CCDC93: variants seen among roughly 807,000 people sequenced by gnomAD.
CCDC93 encodes the protein coiled-coil domain-containing protein 93.
Under a neutral mutation model 108.2 loss-of-function variants are expected in CCDC93, and 61 were observed. The ratio of observed to expected loss-of-function variants is 0.56; its 90% confidence interval spans 0.46 to 0.70. The LOEUF is 0.70. Among genes scored for constraint, CCDC93 ranks in the 30% least tolerant of loss-of-function variants. CCDC93 has a pLI of 0.00. For synonymous variants in CCDC93, 276 were observed against 260.4 expected, an observed-to-expected ratio of 1.06 and a Z score of -0.58; for missense variants, 685 against 764.2, an observed-to-expected ratio of 0.90 and a Z score of 1.22.
intron 17 of CCDC93, among the ~76,000 whole-genome samples, chr2:117,945,297 A>G (rs943805136): frequency 1.3e-5 from 2 of 152,172 alleles, no homozygotes; most frequent in Non-Finnish European, 2.9e-5. Context: ...ATGCTTGTAC[A>G]CAGAACTGGA....
In CCDC93 at chr2:117,916,961, G is replaced by A. The variant is rs745878969; in HGVS notation, c.*3382C>T. On this transcript the variant is annotated 3_prime_UTR_variant, in exon 24 of 24. Coordinates refer to ENST00000376300, the MANE Select transcript of CCDC93 (RefSeq NM_019044.5). Reference sequence around the variant, plus strand: ...CATCCATCCTATGGGGCTCTTTATTGTACTGTTCTGCATTAAGATGTTCTT... The same window carrying A: ...CATCCATCCTATGGGGCTCTTTATTATACTGTTCTGCATTAAGATGTTCTT... 2.0e-5 allele frequency: 3 copies of A among 152,148 alleles called. No homozygotes were observed. Among genetic ancestry groups the A allele is most frequent in the Non-Finnish European group, 4.4e-5 (3 of 68,024 alleles). 9.4% of individuals were successfully genotyped at this position (152,148 alleles called of 1,614,324 possible).
chr2:117,916,560 G>A lies in CCDC93; in HGVS notation c.*3783C>T, dbSNP rs1220805072. ...TGTGGAAAAGCCATTTTATCCAACCGGAATTTCCCAGTCAGTCATCTACCT... is the reference window on the plus strand; with the variant it reads ...TGTGGAAAAGCCATTTTATCCAACCAGAATTTCCCAGTCAGTCATCTACCT... On this transcript the variant is annotated 3_prime_UTR_variant, in exon 24 of 24. Coordinates refer to ENST00000376300, the MANE Select transcript of CCDC93 (RefSeq NM_019044.5). The A allele has an allele frequency of 3.3e-5, 5 of 152,184 alleles. No individual in the cohort carries two copies. The highest frequency in any genetic ancestry group is 4.4e-5 in the Non-Finnish European group (3 of 68,042). 9.4% of individuals were successfully genotyped at this position (152,184 alleles called of 1,614,324 possible).
At chr2:117,943,992 T>G in intron 18 of CCDC93, 32 bp downstream of exon 18, 4 of 1,454,512 alleles carry the variant, frequency 2.8e-6, no homozygotes, top group Non-Finnish European at 2.8e-6. Flanking sequence ...GTTAGAAGCA[T>G]TTATGCATAT....
intron 12 of CCDC93, among the ~76,000 whole-genome samples, chr2:117,955,446 A>G (rs1679188415): frequency 6.6e-6 from 1 of 152,232 alleles, no homozygotes. Context: ...ACAACTCAAT[A>G]GTTTCTAGCA....
chr2:117,979,599 A>T (rs1680050156), intron 7 of CCDC93, among the ~76,000 whole-genome samples: 2 of 152,340 alleles, frequency 1.3e-5, no homozygotes, highest in South Asian at 4.1e-4. Flanking sequence ...AAATGCAAAA[A>T]TCAAGAAGCC....
chr2:117,990,026 A>G lies in CCDC93; in HGVS notation c.520-3957T>C, dbSNP rs897698202. On this transcript the variant is annotated intron_variant, in intron 6 of 23. Coordinates refer to ENST00000376300, the MANE Select transcript of CCDC93 (RefSeq NM_019044.5). ...TTCTCTGTCCCCTCTATTCTCATAC[A>G]AAAGTCTAAACTACCAAAAAAATGC... Among the ~76,000 whole-genome samples, 23 of 152,222 alleles carry G rather than the reference A, an allele frequency of 1.5e-4. 1 individual carries two copies. Among genetic ancestry groups the G allele is most frequent in the Admixed American group, 6.5e-4 (10 of 15,282 alleles).
intron 13 of CCDC93, 125 bp from the exon 14 acceptor site, chr2:117,949,520 T>C: frequency 1.4e-6 from 1 of 729,242 alleles, no homozygotes; most frequent in Non-Finnish European, 2.3e-6. Context: ...GATTTTAATG[T>C]GTAAAGTAGG....
In CCDC93 at chr2:117,988,842, G is replaced by A. The variant is rs533882808; in HGVS notation, c.520-2773C>T. ...TCCTCCAGTGACACCCCTCACCCCT[G>A]TTCTTCCATTTTCTTTTACATGAGC... On this transcript the variant is annotated intron_variant, in intron 6 of 23. Coordinates refer to ENST00000376300, the MANE Select transcript of CCDC93 (RefSeq NM_019044.5). Among the ~76,000 whole-genome samples the A allele has an allele frequency of 1.2e-3, 181 of 152,258 alleles. 1 individual carries two copies. Among genetic ancestry groups the A allele is most frequent in the African/African-American group, 4.2e-3 (173 of 41,548 alleles).
chr2:117,985,487 C>CT (rs950482697), intron 7 of CCDC93: 215 of 921,080 alleles, frequency 2.3e-4, no homozygotes, highest in South Asian at 3.5e-4. Context: ...TGTCCTTGCA[C>CT]TTTTTTTTAA....
chr2:118,004,400 G>T (rs946917638), intron 3 of CCDC93, among the ~76,000 whole-genome samples: 2 of 152,230 alleles, frequency 1.3e-5, no homozygotes, highest in Non-Finnish European at 2.9e-5. Context: ...AGCAAAGAAA[G>T]ATGACAGAGA....
intron 13 of CCDC93, chr2:117,950,966 AT>A: frequency 1.0e-6 from 1 of 985,408 alleles, no homozygotes; most frequent in Non-Finnish European, 1.2e-6. Flanking sequence ...TGCTGTTTTC[AT>A]TTGAGGATAG....
At chr2:118,008,717 G>A (rs1676942231) in intron 1 of CCDC93, 59 bp from the exon 2 acceptor site, 2 of 1,049,940 alleles carry the variant, frequency 1.9e-6, no homozygotes, top group Non-Finnish European at 2.9e-6. Flanking sequence ...GGAACACCAG[G>A]TATATCCCCT....
Position 117,978,114 on chromosome 2 carries a change from A to G in CCDC93, c.621-84T>C, listed in dbSNP as rs1680000807. 5.0e-6 allele frequency: 6 copies of G among 1,210,214 alleles called. No homozygotes were observed. The Admixed American group carries it at 5.2e-5, about 10-fold the overall frequency. The allele number at this position is 1,210,214 out of a possible 1,614,324, so 75.0% of individuals were successfully genotyped here. Reference sequence around the variant, plus strand: ...AAATGCATTTTGGTTGACTTTTTACATGAAAAACATCAAGAGAATTTATGC... The same window carrying G: ...AAATGCATTTTGGTTGACTTTTTACGTGAAAAACATCAAGAGAATTTATGC... On this transcript the variant is annotated intron_variant, in intron 7 of 23. Coordinates refer to ENST00000376300, the MANE Select transcript of CCDC93 (RefSeq NM_019044.5).
intron 1 of CCDC93, chr2:118,012,558 A>C (rs1489385206): frequency 6.6e-6 from 1 of 152,186 alleles, no homozygotes; most frequent in Admixed American, 6.5e-5. Flanking sequence ...AACGTGGGAG[A>C]CCAGACAGAA....
At chr2:117,975,529 C>T (rs564927172) in intron 8 of CCDC93, among the ~76,000 whole-genome samples, 2 of 152,312 alleles carry the variant, frequency 1.3e-5, no homozygotes, top group African/African-American at 2.4e-5. Flanking sequence ...AGGCCACACA[C>T]ATTTGCCTGA....
chr2:117,927,374 C>T (rs563437274), intron 23 of CCDC93, among the ~76,000 whole-genome samples: 34 of 152,272 alleles, frequency 2.2e-4, no homozygotes, highest in Admixed American at 5.9e-4. Context: ...GAAAACCCCA[C>T]TGTCTCAGCC....
At chr2:118,011,014 C>A (rs1295618455) in intron 1 of CCDC93, among the ~76,000 whole-genome samples, 1 of 152,180 alleles carries the variant, frequency 6.6e-6, no homozygotes, top group Non-Finnish European at 1.5e-5. Flanking sequence ...GTCTTTGCAA[C>A]TGGACTACTG....
intron 18 of CCDC93, among the ~76,000 whole-genome samples, chr2:117,943,067 C>A (rs1244840509): frequency 6.6e-6 from 1 of 152,186 alleles, no homozygotes; most frequent in Admixed American, 6.5e-5. Flanking sequence ...CCCATCAGTT[C>A]ATTTCCATGC....
At position 118,000,845 on chromosome 2, in the gene CCDC93, A is replaced by T; in HGVS notation, c.339T>A (p.Phe113Leu). Residue 113 changes from phenylalanine to leucine, a missense_variant, in exon 4 of 24, where the codon TTT (phenylalanine) becomes TTA (leucine). By Grantham distance (22) the Phe-to-Leu change is conservative. Coordinates refer to ENST00000376300, the MANE Select transcript of CCDC93 (RefSeq NM_019044.5). ...LEPHQIQGMD[F>L]IHIFPVVQWL... ...CCTGAACAACAGGAAATATGTGAAT[A>T]AAATCCATCCCCTGGATCTGGTGGG... 6.2e-7 allele frequency: 1 copy of T among 1,612,804 alleles called. No individual in the cohort carries two copies. The highest frequency in any genetic ancestry group is 8.5e-7 in the Non-Finnish European group (1 of 1,178,830).
Sources: gnomAD v4.1 joint callset for allele counts (sites outside exome capture counted in the v4.1 genomes callset) on GRCh38, gnomAD v4.1.1 for gene constraint, MANE v1.5 for transcripts, NCBI Gene and HGNC (gene_info 2026-07-23, HGNC 2026-07-21) for gene names.